CNTNAP2: variants seen among roughly 807,000 people sequenced by gnomAD.
CNTNAP2 encodes the protein contactin-associated protein-like 2.
A neutral mutation model predicts 155.2 loss-of-function variants in CNTNAP2; 98 were observed. The observed-to-expected ratio is 0.63, with a 90% confidence interval of 0.54 to 0.75. CNTNAP2 has a LOEUF of 0.75. Among genes scored for constraint, CNTNAP2 ranks in the 30% least tolerant of loss-of-function variants. CNTNAP2 has a pLI of 0.00. For synonymous variants in CNTNAP2, 651 were observed against 631.2 expected (o/e 1.03, Z -0.47); for missense variants, 1,727 against 1,688.1 (o/e 1.02, Z -0.40).
chr7:146,930,906 C>A (rs1039587447), intron 3 of CNTNAP2, among the ~76,000 whole-genome samples: 1 of 152,108 alleles, frequency 6.6e-6, no homozygotes. Flanking sequence ...TATATATGCA[C>A]CCAATACAGG....
chr7:147,037,456 T>TC (rs1563053133), intron 3 of CNTNAP2, among the ~76,000 whole-genome samples: 9 of 130,318 alleles, frequency 6.9e-5, no homozygotes, highest in African/African-American at 2.5e-4. Context: ...TTTTTTTCCC[T>TC]TTTTTTTTTT....
chr7:146,685,549 G>T (rs1585042120), intron 1 of CNTNAP2, among the ~76,000 whole-genome samples: 1 of 152,132 alleles, frequency 6.6e-6, no homozygotes, highest in African/African-American at 2.4e-5. Context: ...ACTATCTTGA[G>T]AAGAAGAATC....
intron 3 of CNTNAP2, among the ~76,000 whole-genome samples, chr7:146,905,629 T>C (rs1796104652): frequency 6.6e-6 from 1 of 152,208 alleles, no homozygotes; most frequent in African/African-American, 2.4e-5. Context: ...AAGTCTAATG[T>C]GACAGTCAAA....
intron 8 of CNTNAP2, among the ~76,000 whole-genome samples, chr7:147,228,597 C>A (rs1407896028): frequency 6.6e-5 from 10 of 152,246 alleles, no homozygotes; most frequent in Middle Eastern, 3.4e-3. Flanking sequence ...AACGAAATAT[C>A]TAATCATATC....
At chr7:146,969,831 A>C (rs948853722) in intron 3 of CNTNAP2, among the ~76,000 whole-genome samples, 4 of 152,176 alleles carry the variant, frequency 2.6e-5, no homozygotes, top group African/African-American at 9.7e-5. Flanking sequence ...TACAGTAATC[A>C]AAACAGCATG....
At chr7:147,436,515 A>G (rs537124104) in intron 10 of CNTNAP2, among the ~76,000 whole-genome samples, 7 of 152,334 alleles carry the variant, frequency 4.6e-5, no homozygotes, top group South Asian at 2.1e-4. Flanking sequence ...TGTGAAAATT[A>G]CAAGATAAAC....
intron 1 of CNTNAP2, among the ~76,000 whole-genome samples, chr7:146,373,514 A>T (rs1795265542): frequency 6.6e-6 from 1 of 152,108 alleles, no homozygotes; most frequent in South Asian, 2.1e-4. Flanking sequence ...TTTCTTTTTT[A>T]ACAAATATTA....
intron 9 of CNTNAP2, chr7:147,378,118 A>G: frequency 2.3e-6 from 1 of 441,158 alleles, no homozygotes. Flanking sequence ...ATACGTTAGA[A>G]CTCATTTTTA....
chr7:147,876,203 G>A (rs1232980148), intron 13 of CNTNAP2, among the ~76,000 whole-genome samples: 2 of 151,966 alleles, frequency 1.3e-5, no homozygotes, highest in African/African-American at 4.8e-5. Flanking sequence ...GCTCTCTCAC[G>A]TCACTTTCTT....
chr7:147,235,361 T>TGTGTGTGTGTGTGTGTGC (rs1803777359), intron 8 of CNTNAP2, among the ~76,000 whole-genome samples: 1 of 151,448 alleles, frequency 6.6e-6, no homozygotes, highest in Non-Finnish European at 1.5e-5. Context: ...TGTGTGTGTG[T>TGTGTGTGTGTGTGTGTGC]GTGTGTGTGT....
chr7:147,969,933 A>ATTTTAT (rs1399287024), intron 14 of CNTNAP2, among the ~76,000 whole-genome samples: 81 of 148,796 alleles, frequency 5.4e-4, no homozygotes, highest in African/African-American at 1.8e-3. Flanking sequence ...ATTTTATTTT[A>ATTTTAT]TTTATTTTAT....
chr7:146,972,980 A>C (rs1462383087), intron 3 of CNTNAP2, among the ~76,000 whole-genome samples: 1 of 152,138 alleles, frequency 6.6e-6, no homozygotes, highest in African/African-American at 2.4e-5. Flanking sequence ...TTAGAAATTC[A>C]CATTAAAGTA....
At chr7:148,404,902 C>G (rs899866663) in intron 22 of CNTNAP2, among the ~76,000 whole-genome samples, 1 of 152,194 alleles carries the variant, frequency 6.6e-6, no homozygotes. Context: ...TGCTGCTTCT[C>G]CTCTTGATGT....
At chr7:148,336,691 CTT>C (rs1798122108) in intron 21 of CNTNAP2, among the ~76,000 whole-genome samples, 1 of 152,192 alleles carries the variant, frequency 6.6e-6, no homozygotes, top group Non-Finnish European at 1.5e-5. Context: ...TGCCATAGAA[CTT>C]ATATCAAAAA....
intron 1 of CNTNAP2, among the ~76,000 whole-genome samples, chr7:146,729,169 A>G (rs1290128201): frequency 2.6e-5 from 4 of 152,212 alleles, no homozygotes; most frequent in East Asian, 1.9e-4. Flanking sequence ...GCCCCAGCAC[A>G]GCAAACCTGT....
intron 12 of CNTNAP2, among the ~76,000 whole-genome samples, chr7:147,598,995 T>C (rs900323756): frequency 3.3e-5 from 5 of 152,132 alleles, no homozygotes; most frequent in Non-Finnish European, 4.4e-5. Flanking sequence ...TCTTTCCTTA[T>C]AAATTACCCA....
intron 11 of CNTNAP2, among the ~76,000 whole-genome samples, chr7:147,488,003 T>C (rs1798539667): frequency 6.6e-6 from 1 of 152,164 alleles, no homozygotes; most frequent in Non-Finnish European, 1.5e-5. Context: ...TGTGCATAAA[T>C]AGAGGTGAAA....
rs77162789 is a variant in CNTNAP2, at chr7:147,254,606, A to G, written c.1349-45535A>G. Reference sequence around the variant, plus strand: ...ATGTGTGTCAAAGTTTAATATAACCATATGGTTTTTCCTAGTTTTGGTTAT... The same window carrying G: ...ATGTGTGTCAAAGTTTAATATAACCGTATGGTTTTTCCTAGTTTTGGTTAT... On this transcript the variant is annotated intron_variant, in intron 8 of 23. Transcript: ENST00000361727. 7.6e-4 allele frequency among the ~76,000 whole-genome samples: 116 copies of G among 152,284 alleles called. 1 individual carries two copies. In the East Asian group the frequency reaches 0.018, roughly 24 times the overall value.
At chr7:148,309,871 G>A (rs147353350) in intron 21 of CNTNAP2, among the ~76,000 whole-genome samples, 2 of 152,084 alleles carry the variant, frequency 1.3e-5, no homozygotes, top group African/African-American at 2.4e-5. Flanking sequence ...TGAAATAGTG[G>A]TAAAGTGTTG....
Sources: gnomAD v4.1 joint callset for allele counts (sites outside exome capture counted in the v4.1 genomes callset) on GRCh38, gnomAD v4.1.1 for gene constraint, MANE v1.5 for transcripts, NCBI Gene and HGNC (gene_info 2026-07-23, HGNC 2026-07-21) for gene names.